Variants in BMPR1B observed in about 807,000 individuals in gnomAD.
The protein encoded by BMPR1B is bone morphogenetic protein receptor type-1B.
BMPR1B carries 12 observed loss-of-function variants against 59.1 expected under a neutral mutation model. The ratio of observed to expected loss-of-function variants is 0.20; its 90% CI spans 0.13 to 0.33. The LOEUF is 0.33. BMPR1B is among the 10% of genes least tolerant of loss of function. The pLI is 1.00. For missense variants in BMPR1B, 550 were observed against 610.9 expected (o/e 0.90, Z 1.05); for synonymous variants, 237 against 207.3 (o/e 1.14, Z -1.23).
Position 95,052,926 on chromosome 4 carries a change from G to C in BMPR1B, c.-17-51482G>C, listed in dbSNP as rs201250117. Reference sequence around the variant, plus strand: ...GTCTTAAGAATGTTCCAGGAAGCTCGAAGCATGATATATGTGAGGTAAAAT... The same window carrying C: ...GTCTTAAGAATGTTCCAGGAAGCTCCAAGCATGATATATGTGAGGTAAAAT... On this transcript the variant is annotated intron_variant, in intron 3 of 12. Coordinates refer to ENST00000515059, the MANE Select transcript of BMPR1B (RefSeq NM_001203.3). Among the ~76,000 whole-genome samples, 5 of 152,240 alleles carry C rather than the reference G, an allele frequency of 3.3e-5. 1 individual carries two copies. In the South Asian group the frequency reaches 1.0e-3, roughly 32 times the overall value.
At chr4:94,789,374 C>G (rs1722881486) in intron 1 of BMPR1B, among the ~76,000 whole-genome samples, 1 of 152,134 alleles carries the variant, frequency 6.6e-6, no homozygotes, top group African/African-American at 2.4e-5. Context: ...TGGTCATTGT[C>G]AACTTCCAGT....
chr4:95,084,798 A>T (rs1003731040), intron 3 of BMPR1B, among the ~76,000 whole-genome samples: 3 of 152,220 alleles, frequency 2.0e-5, no homozygotes, highest in African/African-American at 7.2e-5. Flanking sequence ...GTATTACCTT[A>T]ACAAATGTAT....
intron 3 of BMPR1B, among the ~76,000 whole-genome samples, chr4:95,104,030 T>A (rs932262515): frequency 3.3e-5 from 5 of 152,064 alleles, no homozygotes; most frequent in Non-Finnish European, 4.4e-5. Context: ...TGTGTGCAGA[T>A]CTCTTAAACT....
At chr4:94,948,672 C>T (rs748857525) in intron 2 of BMPR1B, among the ~76,000 whole-genome samples, 5 of 152,106 alleles carry the variant, frequency 3.3e-5, no homozygotes, top group African/African-American at 7.2e-5. Context: ...TGGGCAACTT[C>T]GATAACTGTT....
At position 95,036,903 on chromosome 4, in the gene BMPR1B, T is replaced by G. The variant is rs376413536; in HGVS notation, c.-18+40769T>G. Among the ~76,000 whole-genome samples, 10 of 152,196 alleles carry G rather than the reference T, an allele frequency of 6.6e-5. No individual in the cohort carries two copies. The East Asian group carries it at 1.9e-3, about 29-fold the overall frequency. On this transcript the variant is annotated intron_variant, in intron 3 of 12. Transcript: ENST00000515059. ...TTTGTTATTGCCTTAGACACCCCAG[T>G]TTTGCTGCCCACGTTGTCAACCCTA...
chr4:94,817,185 G>A (rs1560498781), intron 1 of BMPR1B, among the ~76,000 whole-genome samples: 1 of 152,092 alleles, frequency 6.6e-6, no homozygotes. Flanking sequence ...CCCAGCTTCC[G>A]GAACTGTGAG....
chr4:94,885,405 T>A lies in BMPR1B; in HGVS notation c.-113+9505T>A, dbSNP rs1284773053. ...AAGATTTGACAAATGCATTTGCCTG[T>A]TTCTAAGAATTTGCATAGAATGGTA... On this transcript the variant is annotated intron_variant, in intron 2 of 12. Transcript: ENST00000515059. 2.0e-5 allele frequency among the ~76,000 whole-genome samples: 3 copies of A among 152,370 alleles called. No individual in the cohort carries two copies. In the East Asian group the frequency reaches 5.8e-4, roughly 29 times the overall value.
At chr4:95,036,960 C>T (rs895672193) in intron 3 of BMPR1B, among the ~76,000 whole-genome samples, 3 of 152,138 alleles carry the variant, frequency 2.0e-5, no homozygotes, top group African/African-American at 7.2e-5. Flanking sequence ...ACTGGTGCTG[C>T]TGTTGCCTTT....
intron 2 of BMPR1B, among the ~76,000 whole-genome samples, chr4:94,885,312 T>G (rs1458329079): frequency 6.6e-6 from 1 of 152,180 alleles, no homozygotes; most frequent in East Asian, 1.9e-4. Flanking sequence ...AGAAGATGAC[T>G]AAGTAAAAAG....
chr4:95,131,427 C>A lies in BMPR1B; in HGVS notation c.991C>A (p.Arg331=). ...TCAAGGCAAACCAGCAATTGCCCAT[C>A]GAGATCTGAAAAGTAAAAACATTCT... ...STQGKPAIAH[R]DLKSKNILVK... is the part of the protein sequence containing the mutation. The change falls in exon 10 of 13, where the codon CGA becomes AGA. Residue 331 remains arginine, a synonymous_variant. Transcript: ENST00000515059. 1 of 1,614,018 alleles carries A rather than the reference C, an allele frequency of 6.2e-7. No individual in the cohort carries two copies. Among genetic ancestry groups the A allele is most frequent in the African/African-American group, 1.3e-5 (1 of 75,004 alleles).
At chr4:94,940,930 A>T (rs751735042) in intron 2 of BMPR1B, among the ~76,000 whole-genome samples, 58 of 152,064 alleles carry the variant, frequency 3.8e-4, no homozygotes, top group African/African-American at 1.1e-3. Context: ...GGTTCGTGGT[A>T]CTAGGTACAT....
chr4:95,051,404 G>A (rs540208756), intron 3 of BMPR1B, among the ~76,000 whole-genome samples: 7 of 152,264 alleles, frequency 4.6e-5, no homozygotes, highest in South Asian at 2.1e-4. Context: ...GTGAAGCCCC[G>A]GCGTGTGCTA....
At chr4:95,013,571 A>G (rs1331641538) in intron 3 of BMPR1B, among the ~76,000 whole-genome samples, 1 of 152,174 alleles carries the variant, frequency 6.6e-6, no homozygotes, top group African/African-American at 2.4e-5. Context: ...TATATATGGG[A>G]GCAAACAGTG....
chr4:95,091,175 A>G (rs2149248455), intron 3 of BMPR1B, among the ~76,000 whole-genome samples: 1 of 152,244 alleles, frequency 6.6e-6, no homozygotes, highest in Admixed American at 6.6e-5. Context: ...ACGCAGAGGT[A>G]GCTTTTAACC....
In BMPR1B at chr4:95,129,976, T is replaced by G; in HGVS notation, c.700T>G (p.Phe234Val). 1 of 1,614,018 alleles carries G rather than the reference T, an allele frequency of 6.2e-7. No individual in the cohort carries two copies. Among genetic ancestry groups the G allele is most frequent in the Non-Finnish European group, 8.5e-7 (1 of 1,179,948 alleles). ...CGAAAAGGTAGCTGTGAAAGTGTTC[T>G]TCACCACAGAGGAAGCCAGCTGGTT... ...RGEKVAVKVF[F>V]TTEEASWFRE... is the part of the protein sequence containing the mutation. The change falls in exon 9 of 13, where the codon TTC becomes GTC. Residue 234 changes from phenylalanine to valine, a missense_variant. By Grantham distance (50) the Phe-to-Val change is conservative. Transcript: ENST00000515059.
chr4:94,999,362 T>A (rs1490761239), intron 3 of BMPR1B, among the ~76,000 whole-genome samples: 1 of 152,116 alleles, frequency 6.6e-6, no homozygotes, highest in Non-Finnish European at 1.5e-5. Context: ...AAGTAGATGG[T>A]ACATATTGGT....
At chr4:95,090,634 C>T (rs369420085) in intron 3 of BMPR1B, among the ~76,000 whole-genome samples, 3 of 152,166 alleles carry the variant, frequency 2.0e-5, no homozygotes, top group East Asian at 3.9e-4. Context: ...GTGGCCATTT[C>T]TTCTTCAACT....
intron 2 of BMPR1B, among the ~76,000 whole-genome samples, chr4:94,885,802 G>C (rs1727150258): frequency 6.6e-6 from 1 of 152,058 alleles, no homozygotes; most frequent in South Asian, 2.1e-4. Context: ...TAAATCTTCA[G>C]AAGAAGAAAT....
chr4:94,909,958 T>A (rs1728210348), intron 2 of BMPR1B, among the ~76,000 whole-genome samples: 1 of 152,110 alleles, frequency 6.6e-6, no homozygotes, highest in Non-Finnish European at 1.5e-5. Flanking sequence ...AAAGTGGCAT[T>A]TTTGTTTGCC....
Sources: allele counts gnomAD v4.1 joint callset (sites outside exome capture counted in the v4.1 genomes callset), GRCh38; gene constraint gnomAD v4.1.1; transcripts MANE v1.5; gene names NCBI Gene and HGNC (gene_info 2026-07-23, HGNC 2026-07-21).